Variants in MTR observed in about 807,000 individuals in gnomAD.
The protein encoded by MTR is 5-methyltetrahydrofolate-homocysteine methyltransferase, also known as methionine synthase.
Under a neutral mutation model 154.8 loss-of-function variants are expected in MTR, and 84 were observed. The ratio of observed to expected loss-of-function variants is 0.54; its 90% CI spans 0.45 to 0.65. MTR has a LOEUF of 0.65. Among genes scored for constraint, MTR ranks in the 30% least tolerant of loss-of-function variants. MTR has a pLI of 0.00. For missense variants in MTR, 1,275 were observed against 1,570.2 expected (o/e 0.81, Z 3.18); for synonymous variants, 554 against 553.9 (o/e 1.00, Z 0.00).
chr1:236,855,578 G>T (rs1572270523), intron 18 of MTR, among the ~76,000 whole-genome samples: 1 of 152,128 alleles, frequency 6.6e-6, no homozygotes. Context: ...ATTTGGCCTT[G>T]ATCCCTTCCT....
rs1165095426 is a variant in MTR, at chr1:236,795,456, C to A, written c.-248C>A. 2 of 1,498,260 alleles carry A rather than the reference C, an allele frequency of 1.3e-6. No individual in the cohort carries two copies. Among genetic ancestry groups the A allele is most frequent in the East Asian group, 5.2e-5 (2 of 38,158 alleles). 92.8% of individuals were successfully genotyped at this position (1,498,260 alleles called of 1,614,324 possible). ...TGCTAGGCCGACACCAAGGACTGGC[C>A]GGGTACCCGGGAAGAAAGCACGTGC... On this transcript the variant is annotated 5_prime_UTR_variant, in exon 1 of 33. Coordinates refer to ENST00000366577, the MANE Select transcript of MTR (RefSeq NM_000254.3).
intron 3 of MTR, 108 bp from the exon 4 acceptor site, chr1:236,808,596 C>T (rs1443561538): frequency 9.3e-7 from 1 of 1,078,204 alleles, no homozygotes; most frequent in Non-Finnish European, 1.4e-6. Context: ...GATTAATTCA[C>T]TCTACATTTT....
intron 14 of MTR, 29 bp from the exon 15 acceptor site, chr1:236,838,385 G>A: frequency 6.2e-7 from 1 of 1,611,800 alleles, no homozygotes; most frequent in Non-Finnish European, 8.5e-7. Flanking sequence ...TGTGGCCTCT[G>A]TGTGATTTTC....
chr1:236,810,699 A>T (rs1558277425), intron 5 of MTR, 104 bp downstream of exon 5: 9 of 951,800 alleles, frequency 9.5e-6, no homozygotes, highest in Admixed American at 1.8e-5. Context: ...TCTACCTTAG[A>T]GTTACTGTGA....
At chr1:236,866,098 C>G (rs761598515) in intron 22 of MTR, among the ~76,000 whole-genome samples, 13 of 152,068 alleles carry the variant, frequency 8.5e-5, no homozygotes, top group Non-Finnish European at 1.5e-4. Context: ...CACAGGCATA[C>G]CTTGTTTTAT....
rs1667024925 is a variant in MTR at position 236,903,866 on chromosome 1, A to G, written c.*6222A>G. The G allele has an allele frequency of 6.6e-6, 1 of 152,190 alleles. No individual in the cohort carries two copies. Among genetic ancestry groups the G allele is most frequent in the Non-Finnish European group, 1.5e-5 (1 of 68,006 alleles). The allele number at this position is 152,190 out of a possible 1,614,324, so 9.4% of individuals were successfully genotyped here. ...TACCTTTAATCATGTGACATTGTTT[A>G]TCTTGGATTAAAAGAAAAGAAAATG... is the stretch of plus-strand genomic sequence containing the variant. On this transcript the variant is annotated 3_prime_UTR_variant, in exon 33 of 33. Transcript: ENST00000366577.
At chr1:236,876,757 A>G (rs1402194808) in intron 24 of MTR, among the ~76,000 whole-genome samples, 2 of 152,166 alleles carry the variant, frequency 1.3e-5, no homozygotes, top group Non-Finnish European at 2.9e-5. Context: ...CTCAAGATAC[A>G]TTATTGGCAA....
At chr1:236,825,185 T>G (rs1381345037) in intron 9 of MTR, among the ~76,000 whole-genome samples, 153 bp from the exon 10 acceptor site, 2 of 142,730 alleles carry the variant, frequency 1.4e-5, no homozygotes, top group Non-Finnish European at 3.0e-5. Context: ...TGGTATCTCT[T>G]TGTTTACTGT....
At chr1:236,830,503 C>T (rs1347243731) in intron 12 of MTR, among the ~76,000 whole-genome samples, 6 of 152,154 alleles carry the variant, frequency 3.9e-5, no homozygotes, top group Non-Finnish European at 1.5e-5. Context: ...AAACAATCAC[C>T]TTCCATCAGA....
intron 8 of MTR, among the ~76,000 whole-genome samples, chr1:236,818,002 T>C (rs1014670365): frequency 6.6e-6 from 1 of 152,166 alleles, no homozygotes; most frequent in African/African-American, 2.4e-5. Context: ...GGGTAGGAAA[T>C]GTAGAGGTCT....
chr1:236,884,516 C>G (rs1267046982), intron 25 of MTR, among the ~76,000 whole-genome samples: 1 of 152,118 alleles, frequency 6.6e-6, no homozygotes, highest in East Asian at 1.9e-4. Flanking sequence ...AGGCAAAAGG[C>G]ACATAGGATG....
chr1:236,858,240 G>A (rs937907117), intron 18 of MTR, among the ~76,000 whole-genome samples: 1 of 152,282 alleles, frequency 6.6e-6, no homozygotes, highest in South Asian at 2.1e-4. Context: ...AATGGAAGGT[G>A]AAAAGCACGT....
rs774303595 is a variant in MTR, at chr1:236,803,551, G to T, written c.158G>T (p.Gly53Val). Reference sequence around the variant, plus strand: ...AAGCTAAACGAAGAACACTTCCGAGGTCAGGAATTTAAAGATCATGCCAGG... The same window carrying T: ...AAGCTAAACGAAGAACACTTCCGAGTTCAGGAATTTAAAGATCATGCCAGG... ...REKLNEEHFR[G>V]QEFKDHARPL... Residue 53 changes from glycine to valine, a missense_variant, in exon 2 of 33, where the codon GGT becomes GTT. Physicochemically the swap from Gly to Val is moderately radical, Grantham distance 109. Coordinates refer to ENST00000366577, the MANE Select transcript of MTR (RefSeq NM_000254.3). 2 of 1,614,142 alleles carry T rather than the reference G, an allele frequency of 1.2e-6. No homozygotes were observed. The highest frequency in any genetic ancestry group is 1.7e-4 in the Middle Eastern group (1 of 6,060).
At chr1:236,816,395 CTA>C (rs1235469712) in intron 7 of MTR, 52 bp from the exon 8 acceptor site, 1 of 1,463,630 alleles carries the variant, frequency 6.8e-7, no homozygotes, top group African/African-American at 1.4e-5. Flanking sequence ...GCCTTTATAT[CTA>C]TATTCTTAAC....
At chr1:236,887,428 A>G (rs1337551881) in intron 27 of MTR, among the ~76,000 whole-genome samples, 2 of 152,224 alleles carry the variant, frequency 1.3e-5, no homozygotes, top group Non-Finnish European at 2.9e-5. Context: ...CTTTTTGGAA[A>G]TGTTGTGAGG....
At chr1:236,894,651 C>G (rs1666521986) in intron 30 of MTR, 94 bp downstream of exon 30, 1 of 1,250,722 alleles carries the variant, frequency 8.0e-7, no homozygotes, top group African/African-American at 1.5e-5. Flanking sequence ...GCCCTTAGAA[C>G]CAGTGTCTTT....
chr1:236,859,362 C>T (rs1664391073), intron 18 of MTR, among the ~76,000 whole-genome samples: 2 of 152,226 alleles, frequency 1.3e-5, no homozygotes, highest in Admixed American at 1.3e-4. Context: ...AGGACACCTT[C>T]AAACCATAAC....
chr1:236,812,934 C>G (rs1661386710), intron 6 of MTR, 90 bp downstream of exon 6: 1 of 1,005,206 alleles, frequency 9.9e-7, no homozygotes, highest in Non-Finnish European at 1.6e-6. Context: ...TAGCCATTAT[C>G]AAAGTTAAAT....
At chr1:236,815,134 G>A (rs922586857) in intron 6 of MTR, among the ~76,000 whole-genome samples, 12 of 152,126 alleles carry the variant, frequency 7.9e-5, no homozygotes, top group African/African-American at 2.9e-4. Flanking sequence ...TACCTACCAT[G>A]TGTATGAAAG....
Sources: allele counts gnomAD v4.1 joint callset (sites outside exome capture counted in the v4.1 genomes callset), GRCh38; gene constraint gnomAD v4.1.1; transcripts MANE v1.5; gene names NCBI Gene and HGNC (gene_info 2026-07-23, HGNC 2026-07-21).